Variants in ITPKB observed in about 807,000 individuals in gnomAD.
ITPKB encodes inositol-trisphosphate 3-kinase B.
In ITPKB, 13 loss-of-function variants were observed where a neutral mutation model predicts 69.4. That is an observed-to-expected ratio of 0.19 (90% CI 0.12 to 0.30). ITPKB has a LOEUF of 0.30. ITPKB is among the 10% of genes least tolerant of loss of function. The pLI is 1.00. For missense variants in ITPKB, 1,240 were observed against 1,250.5 expected (o/e 0.99, Z 0.13); for synonymous variants, 584 against 513.7 (o/e 1.14, Z -1.85).
intron 2 of ITPKB, among the ~76,000 whole-genome samples, chr1:226,649,433 G>A (rs978183284): frequency 1.2e-4 from 16 of 132,288 alleles, no homozygotes; most frequent in Non-Finnish European, 2.1e-4. Flanking sequence ...GAGTGTGTGC[G>A]TATGTGTGCG....
intron 2 of ITPKB, among the ~76,000 whole-genome samples, chr1:226,716,126 A>G (rs1489307086): frequency 1.3e-5 from 2 of 152,182 alleles, no homozygotes; most frequent in East Asian, 1.9e-4. Flanking sequence ...TTGCTTTTAC[A>G]TGCCATTTTC....
intron 2 of ITPKB, among the ~76,000 whole-genome samples, chr1:226,705,400 G>A (rs1320672218): frequency 2.6e-5 from 4 of 152,038 alleles, no homozygotes; most frequent in East Asian, 1.9e-4. Context: ...GTGGTGACGC[G>A]TGCCTGTAAA....
chr1:226,663,214 T>C (rs1054242093), intron 2 of ITPKB, among the ~76,000 whole-genome samples: 4 of 152,204 alleles, frequency 2.6e-5, no homozygotes, highest in Non-Finnish European at 4.4e-5. Context: ...CAGGCCCTGC[T>C]AGTGGCAGTG....
chr1:226,643,375 C>G (rs1345235724), intron 4 of ITPKB, among the ~76,000 whole-genome samples: 1 of 152,236 alleles, frequency 6.6e-6, no homozygotes, highest in Non-Finnish European at 1.5e-5. Flanking sequence ...GGCTCAGAGG[C>G]TGCCCACAGC....
chr1:226,732,526 C>T (rs948800261), intron 2 of ITPKB, among the ~76,000 whole-genome samples: 1 of 151,702 alleles, frequency 6.6e-6, no homozygotes, highest in African/African-American at 2.4e-5. Context: ...GCATGAGCCA[C>T]CGTGCCCAGC....
At chr1:226,679,256 T>TGG (rs1378901443) in intron 2 of ITPKB, among the ~76,000 whole-genome samples, 1 of 152,256 alleles carries the variant, frequency 6.6e-6, no homozygotes, top group Non-Finnish European at 1.5e-5. Context: ...TTTTCAGATG[T>TGG]GGCTCCCTGT....
chr1:226,709,732 G>C (rs533913739), intron 2 of ITPKB, among the ~76,000 whole-genome samples: 1 of 152,200 alleles, frequency 6.6e-6, no homozygotes, highest in Non-Finnish European at 1.5e-5. Context: ...ACCTGTCCCT[G>C]TCTACAGGCC....
At chr1:226,661,338 GT>G (rs1264910490) in intron 2 of ITPKB, among the ~76,000 whole-genome samples, 1 of 152,252 alleles carries the variant, frequency 6.6e-6, no homozygotes, top group Admixed American at 6.5e-5. Flanking sequence ...TGCTATGTGT[GT>G]GTGATAAGAG....
chr1:226,663,053 A>G (rs1364290646), intron 2 of ITPKB, among the ~76,000 whole-genome samples: 1 of 152,224 alleles, frequency 6.6e-6, no homozygotes, highest in Non-Finnish European at 1.5e-5. Flanking sequence ...GTTGCCAAAA[A>G]GGGACACCAG....
chr1:226,729,891 G>A (rs1200951088), intron 2 of ITPKB, among the ~76,000 whole-genome samples: 5 of 151,988 alleles, frequency 3.3e-5, no homozygotes, highest in African/African-American at 1.2e-4. Context: ...CACCACACCT[G>A]GCCTAGTTTT....
chr1:226,715,236 C>T (rs1186740347), intron 2 of ITPKB, among the ~76,000 whole-genome samples: 1 of 152,244 alleles, frequency 6.6e-6, no homozygotes, highest in African/African-American at 2.4e-5. Flanking sequence ...ACTGCCAGTA[C>T]ACCATGAACG....
At chr1:226,672,071 T>A (rs921284544) in intron 2 of ITPKB, among the ~76,000 whole-genome samples, 28 of 152,264 alleles carry the variant, frequency 1.8e-4, no homozygotes, top group African/African-American at 6.3e-4. Context: ...ACAAGAAAGA[T>A]CCATTTTGAA....
At chr1:226,721,525 C>T (rs1297248185) in intron 2 of ITPKB, among the ~76,000 whole-genome samples, 2 of 151,346 alleles carry the variant, frequency 1.3e-5, no homozygotes, top group Admixed American at 1.3e-4. Flanking sequence ...GACGGGGTTT[C>T]GCTCTTATTG....
intron 2 of ITPKB, among the ~76,000 whole-genome samples, chr1:226,672,017 G>C (rs371749234): frequency 2.6e-5 from 4 of 152,184 alleles, no homozygotes; most frequent in African/African-American, 9.7e-5. Flanking sequence ...CGCTGCTTCT[G>C]TGTGTACACC....
At chr1:226,722,905 C>A (rs1163984848) in intron 2 of ITPKB, among the ~76,000 whole-genome samples, 1 of 152,180 alleles carries the variant, frequency 6.6e-6, no homozygotes, top group Admixed American at 6.5e-5. Context: ...AGATGCAAAC[C>A]CCCAGGGGTC....
chr1:226,671,560 T>G (rs1289527610), intron 2 of ITPKB, among the ~76,000 whole-genome samples: 2 of 152,122 alleles, frequency 1.3e-5, no homozygotes, highest in Non-Finnish European at 2.9e-5. Flanking sequence ...ACATTCTAAG[T>G]GGGGACAGGC....
At chr1:226,724,339 C>T (rs944323557) in intron 2 of ITPKB, among the ~76,000 whole-genome samples, 11 of 152,160 alleles carry the variant, frequency 7.2e-5, no homozygotes, top group Admixed American at 3.9e-4. Context: ...GACCCCATGA[C>T]TTCTCCTCTT....
At position 226,636,752 on chromosome 1, in the gene ITPKB, CTGTGTGTGTGTG is replaced by C. The variant is rs3831353; in HGVS notation, c.2625+915_2625+926del. Among the ~76,000 whole-genome samples the C allele has an allele frequency of 3.9e-4, 55 of 140,088 alleles. No individual in the cohort carries two copies. In the South Asian group the frequency reaches 4.0e-3, roughly 10 times the overall value. 91.9% of individuals were successfully genotyped at this position (140,088 alleles called of 152,430 possible). A position where few individuals can be genotyped will look rare whatever the true frequency, so the allele number is the denominator to read the frequency against. On this transcript the variant is annotated intron_variant, in intron 7 of 7. Transcript: ENST00000429204. ...ATTAGCCAGCCCCAGGACTGCAGCTCTGTGTGTGTGTGTGTGTGTGTGTGTGTGTGTGTGTGT... is the reference window on the plus strand; with the variant it reads ...ATTAGCCAGCCCCAGGACTGCAGCTCTGTGTGTGTGTGTGTGTGTGTGTGT...
rs1167489880 is a variant in ITPKB at position 226,657,247 on chromosome 1, T to C, written c.1933-8476A>G. ...AAGAATGATTTCCCAAAGCATCTTA[T>C]TTCATGTATGTGGAACTCTGCTAGG... On this transcript the variant is annotated intron_variant, in intron 2 of 7. Coordinates refer to ENST00000429204, the MANE Select transcript of ITPKB (RefSeq NM_002221.4). 2.0e-5 allele frequency: 3 copies of C among 152,242 alleles called. No individual in the cohort carries two copies. In the East Asian group the frequency reaches 5.8e-4, roughly 29 times the overall value. 9.4% of individuals were successfully genotyped at this position (152,242 alleles called of 1,614,324 possible).
Sources: allele counts gnomAD v4.1 joint callset (sites outside exome capture counted in the v4.1 genomes callset), GRCh38; gene constraint gnomAD v4.1.1; transcripts MANE v1.5; gene names NCBI Gene and HGNC (gene_info 2026-07-23, HGNC 2026-07-21).